Variants in ARHGEF28 observed in about 807,000 individuals in gnomAD.
ARHGEF28 encodes Rho guanine nucleotide exchange factor 28.
In ARHGEF28, 152 loss-of-function variants were observed where a neutral mutation model predicts 206.6. The ratio of observed to expected loss-of-function variants is 0.74; its 90% CI spans 0.64 to 0.84. The LOEUF is 0.84. Among genes scored for constraint, ARHGEF28 ranks in the 40% least tolerant of loss-of-function variants. ARHGEF28 has a pLI of 0.00. For synonymous variants in ARHGEF28, 763 were observed against 776.4 expected (o/e 0.98, Z 0.29); for missense variants, 2,028 against 2,073.2 (o/e 0.98, Z 0.42).
intron 2 of ARHGEF28, among the ~76,000 whole-genome samples, chr5:73,748,400 C>CTG (rs1302918080): frequency 6.6e-6 from 1 of 152,098 alleles, no homozygotes. Flanking sequence ...TTTCCGATAA[C>CTG]TGTGTGTGTG....
chr5:73,751,396 C>T (rs112709921), intron 3 of ARHGEF28, among the ~76,000 whole-genome samples: 4,726 of 152,170 alleles, frequency 0.031, 259 homozygotes, highest in African/African-American at 0.11. Flanking sequence ...GGAGACAGAG[C>T]GAGACTCTGT....
At chr5:73,928,973 T>TC (rs1435548890) in intron 35 of ARHGEF28, among the ~76,000 whole-genome samples, 1 of 152,200 alleles carries the variant, frequency 6.6e-6, no homozygotes, top group Non-Finnish European at 1.5e-5. Context: ...TCTCGCTCTG[T>TC]CACCCATGCT....
At chr5:73,874,721 A>G (rs1156549118) in intron 22 of ARHGEF28, among the ~76,000 whole-genome samples, 5 of 150,750 alleles carry the variant, frequency 3.3e-5, no homozygotes, top group African/African-American at 9.8e-5. Flanking sequence ...TTCCAATTTC[A>G]TCCATGTCCC....
At chr5:73,799,719 G>A (rs907864187) in intron 9 of ARHGEF28, among the ~76,000 whole-genome samples, 2 of 152,172 alleles carry the variant, frequency 1.3e-5, no homozygotes, top group African/African-American at 4.8e-5. Flanking sequence ...AAAATGAAGG[G>A]TTGGTGAAAC....
chr5:73,828,537 TACCCGAGTG>T (rs1021055939), intron 9 of ARHGEF28, among the ~76,000 whole-genome samples: 61 of 146,316 alleles, frequency 4.2e-4, no homozygotes, highest in African/African-American at 1.5e-3. Flanking sequence ...GTGGAGCCAT[TACCCGAGTG>T]ACAGGAAGAT....
intron 2 of ARHGEF28, among the ~76,000 whole-genome samples, chr5:73,700,509 T>C (rs1748532323): frequency 6.6e-6 from 1 of 152,186 alleles, no homozygotes; most frequent in Non-Finnish European, 1.5e-5. Flanking sequence ...GATAGGTTGG[T>C]CAGTGGGTAC....
intron 31 of ARHGEF28, chr5:73,901,520 A>C: frequency 8.4e-6 from 3 of 356,220 alleles, no homozygotes; most frequent in African/African-American, 4.2e-5. Context: ...TAAAAAGATT[A>C]AAAACTCTCC....
intron 33 of ARHGEF28, chr5:73,908,980 A>G (rs1019377447): frequency 1.9e-5 from 3 of 154,984 alleles, no homozygotes; most frequent in African/African-American, 4.8e-5. Flanking sequence ...GAAGGATACT[A>G]CTAGGTTTAT....
intron 4 of ARHGEF28, among the ~76,000 whole-genome samples, chr5:73,770,969 T>C (rs1216368781): frequency 6.6e-6 from 1 of 152,116 alleles, no homozygotes; most frequent in Non-Finnish European, 1.5e-5. Flanking sequence ...GCTCTCGTGG[T>C]AGAGGAAACA....
intron 7 of ARHGEF28, among the ~76,000 whole-genome samples, chr5:73,786,056 CAAAAA>C (rs61560155): frequency 7.8e-5 from 6 of 76,466 alleles, no homozygotes; most frequent in Admixed American, 6.8e-4. Flanking sequence ...TGGCAGTAAC[CAAAAA>C]AAAAAAAAAA....
chr5:73,783,928 A>G (rs1754000263), intron 7 of ARHGEF28, among the ~76,000 whole-genome samples: 1 of 152,192 alleles, frequency 6.6e-6, no homozygotes, highest in East Asian at 1.9e-4. Flanking sequence ...ATTAATGGGT[A>G]TACTTTAGAG....
intron 9 of ARHGEF28, among the ~76,000 whole-genome samples, chr5:73,797,009 A>G (rs1278591742): frequency 6.6e-6 from 1 of 152,182 alleles, no homozygotes; most frequent in Non-Finnish European, 1.5e-5. Flanking sequence ...TTAAAAACTC[A>G]CTCTAGTTTC....
At chr5:73,742,696 C>T (rs960880560) in intron 2 of ARHGEF28, among the ~76,000 whole-genome samples, 2 of 150,666 alleles carry the variant, frequency 1.3e-5, no homozygotes, top group East Asian at 1.9e-4. Context: ...CGGTGGCGGG[C>T]GCCTGTAGTC....
chr5:73,636,489 A>G lies in ARHGEF28; in HGVS notation c.-12+10167A>G, dbSNP rs539673043. Among the ~76,000 whole-genome samples, 4 of 152,280 alleles carry G rather than the reference A, an allele frequency of 2.6e-5. No homozygotes were observed. The South Asian group carries it at 8.3e-4, about 32-fold the overall frequency. On this transcript the variant is annotated intron_variant, in intron 1 of 35. Transcript: ENST00000513042. ...GCTTTATCTTCATCAGCTGTGTTGC[A>G]CCTTTGTGGACAGCAGCAGAAGAAA...
chr5:73,913,522 A>G lies in ARHGEF28; in HGVS notation c.4948+1947A>G, dbSNP rs190470132. 2.0e-5 allele frequency among the ~76,000 whole-genome samples: 3 copies of G among 152,356 alleles called. No homozygotes were observed. The East Asian group carries it at 5.8e-4, about 29-fold the overall frequency. ...AGCTTTTATCATTGACAGTAACACA[A>G]CATCAGCCACTGGTGATGGCCTTAG... On this transcript the variant is annotated intron_variant, in intron 35 of 35. Coordinates refer to ENST00000513042, the MANE Select transcript of ARHGEF28 (RefSeq NM_001177693.2).
At position 73,911,436 on chromosome 5, in the gene ARHGEF28, G is replaced by C; in HGVS notation, c.4809G>C (p.Val1603=). 1 of 1,613,990 alleles carries C rather than the reference G, an allele frequency of 6.2e-7. No individual in the cohort carries two copies. The highest frequency in any genetic ancestry group is 8.5e-7 in the Non-Finnish European group (1 of 1,179,892). Residue 1603 remains valine (V), a synonymous_variant, in exon 35 of 36, where the codon GTG becomes GTC. Coordinates refer to ENST00000513042, the MANE Select transcript of ARHGEF28 (RefSeq NM_001177693.2). ...CAACTCAATCTCATTCTGACTTGGT[G>C]AGGACTAGTGAACATCAAGTAGACC... ...YPTTQSHSDL[V]RTSEHQVDLK...
At chr5:73,660,413 A>C (rs1025632691) in intron 1 of ARHGEF28, among the ~76,000 whole-genome samples, 13 of 152,070 alleles carry the variant, frequency 8.5e-5, no homozygotes, top group Admixed American at 3.3e-4. Flanking sequence ...ACCCTCATCC[A>C]CGTCATCCAC....
At chr5:73,939,698 T>G (rs372027128) in intron 35 of ARHGEF28, among the ~76,000 whole-genome samples, 1 of 152,206 alleles carries the variant, frequency 6.6e-6, no homozygotes, top group South Asian at 2.1e-4. Context: ...GGAAGAGTTT[T>G]CCTTTCATTC....
intron 1 of ARHGEF28, among the ~76,000 whole-genome samples, chr5:73,682,754 G>A (rs906716079): frequency 6.6e-6 from 1 of 152,166 alleles, no homozygotes; most frequent in Non-Finnish European, 1.5e-5. Context: ...TACTGCAGCA[G>A]AGCTCTGGCT....
Sources: gnomAD v4.1 joint callset for allele counts (sites outside exome capture counted in the v4.1 genomes callset) on GRCh38, gnomAD v4.1.1 for gene constraint, MANE v1.5 for transcripts, NCBI Gene and HGNC (gene_info 2026-07-23, HGNC 2026-07-21) for gene names.